Variants in NHS observed in about 807,000 individuals in gnomAD.
NHS encodes actin remodeling regulator NHS.
NHS carries 5 observed loss-of-function variants against 72.5 expected under a neutral mutation model. The ratio of observed to expected loss-of-function variants is 0.07; its 90% CI spans 0.04 to 0.14. The LOEUF (loss-of-function observed/expected upper bound fraction) is 0.14, where lower values mean the gene tolerates loss of function less well. Among genes scored for constraint, NHS ranks in the 10% least tolerant of loss-of-function variants. NHS has a pLI of 1.00. For missense variants in NHS, 1,072 were observed against 1,355.7 expected (o/e 0.79, Z 3.29); for synonymous variants, 464 against 547.7 (o/e 0.85, Z 2.13).
chrX:17,557,219 G>T (rs1317386900), intron 1 of NHS: 1 of 104,831 alleles, frequency 9.5e-6, no homozygotes, highest in Non-Finnish European at 1.9e-5. Context: ...AGATGTGTGA[G>T]AGAGTTCAAA....
intron 1 of NHS, among the ~76,000 whole-genome samples, chrX:17,661,436 C>G (rs749513180): frequency 1.8e-5 from 2 of 109,670 alleles, no homozygotes; most frequent in African/African-American, 6.7e-5. Context: ...CCCCCCACCC[C>G]CTGACAGGCC....
chrX:17,422,028 A>G (rs1210148350), intron 1 of NHS, among the ~76,000 whole-genome samples: 3 of 112,063 alleles, frequency 2.7e-5, no homozygotes, highest in African/African-American at 9.7e-5. Flanking sequence ...GATATAGAAC[A>G]TTTCCAGTGA....
At chrX:17,582,846 C>G (rs1287346024) in intron 1 of NHS, among the ~76,000 whole-genome samples, 2 of 112,497 alleles carry the variant, frequency 1.8e-5, no homozygotes, top group Non-Finnish European at 3.8e-5. Flanking sequence ...GGCAGACATT[C>G]ATACCCATAC....
intron 1 of NHS, among the ~76,000 whole-genome samples, chrX:17,474,461 G>A (rs2146905143): frequency 8.9e-6 from 1 of 111,733 alleles, no homozygotes; most frequent in Non-Finnish European, 1.9e-5. Flanking sequence ...ACTCTGAGAT[G>A]GAGACCCGTG....
chrX:17,438,057 A>G (rs752708573), intron 1 of NHS, among the ~76,000 whole-genome samples: 95 of 112,458 alleles, frequency 8.4e-4, no homozygotes, highest in Non-Finnish European at 1.7e-3. Flanking sequence ...TGACACGTGG[A>G]GAATTGCCAT....
At chrX:17,470,761 A>G (rs1420233256) in intron 1 of NHS, among the ~76,000 whole-genome samples, 1 of 111,449 alleles carries the variant, frequency 9.0e-6, no homozygotes, top group East Asian at 2.8e-4. Flanking sequence ...GCTCAAAATC[A>G]TCTAATAAAG....
intron 1 of NHS, among the ~76,000 whole-genome samples, chrX:17,460,280 TTTTA>T (rs753901237): frequency 1.8e-4 from 20 of 111,921 alleles, no homozygotes; most frequent in Middle Eastern, 4.7e-3. Context: ...ACCTATTTTA[TTTTA>T]TTTATTTATT....
At chrX:17,652,790 T>C (rs930975669) in intron 1 of NHS, among the ~76,000 whole-genome samples, 1 of 112,340 alleles carries the variant, frequency 8.9e-6, no homozygotes, top group African/African-American at 3.2e-5. Flanking sequence ...ATTTGCTAAT[T>C]ATCCTATTTT....
chrX:17,556,479 A>G (rs1309850623), intron 1 of NHS, among the ~76,000 whole-genome samples: 1 of 113,105 alleles, frequency 8.8e-6, no homozygotes, highest in African/African-American at 3.2e-5. Flanking sequence ...TTAAAGAAAC[A>G]ACCACAGCAA....
intron 1 of NHS, among the ~76,000 whole-genome samples, chrX:17,407,843 A>G (rs2064536688): frequency 9.0e-6 from 1 of 111,444 alleles, no homozygotes; most frequent in Admixed American, 9.5e-5. Context: ...CTCCCAGGGT[A>G]AGTCAGCCAG....
At chrX:17,718,802 AG>A (rs1211135738) in intron 3 of NHS, among the ~76,000 whole-genome samples, 3 of 89,165 alleles carry the variant, frequency 3.4e-5, no homozygotes, top group Non-Finnish European at 6.7e-5. Flanking sequence ...GAAGGAAGGA[AG>A]GGGGAAGGAG....
At chrX:17,561,586 A>G (rs867398491) in intron 1 of NHS, among the ~76,000 whole-genome samples, 8 of 98,684 alleles carry the variant, frequency 8.1e-5, no homozygotes, top group Middle Eastern at 0.011. Context: ...ACACACACAC[A>G]CACACACACA....
intron 2 of NHS, among the ~76,000 whole-genome samples, chrX:17,690,914 A>C (rs928758918): frequency 2.7e-5 from 3 of 111,926 alleles, no homozygotes; most frequent in African/African-American, 9.8e-5. Flanking sequence ...AGCAACTATA[A>C]ATAGATAATT....
intron 1 of NHS, among the ~76,000 whole-genome samples, chrX:17,645,621 A>G (rs1216600326): frequency 9.0e-6 from 1 of 111,426 alleles, no homozygotes; most frequent in Non-Finnish European, 1.9e-5. Context: ...TCAGAGTTCT[A>G]TCAGCATCAT....
At chrX:17,592,459 A>G (rs193105802) in intron 1 of NHS, among the ~76,000 whole-genome samples, 19 of 112,018 alleles carry the variant, frequency 1.7e-4, no homozygotes, top group Non-Finnish European at 3.0e-4. Context: ...GTGCTCCCCA[A>G]TTGGCAAGCC....
At chrX:17,603,051 G>C (rs991170795) in intron 1 of NHS, among the ~76,000 whole-genome samples, 1 of 109,850 alleles carries the variant, frequency 9.1e-6, no homozygotes, top group Non-Finnish European at 1.9e-5. Flanking sequence ...TTGGTATGTT[G>C]ACCAGGCTAG....
At chrX:17,706,040 TA>T (rs775713531) in intron 3 of NHS, among the ~76,000 whole-genome samples, 4 of 110,797 alleles carry the variant, frequency 3.6e-5, no homozygotes, top group Non-Finnish European at 7.6e-5. Flanking sequence ...AAAATTTTTT[TA>T]ATTAGCCAGG....
chrX:17,575,582 A>G (rs775498581), intron 1 of NHS, among the ~76,000 whole-genome samples: 155 of 111,474 alleles, frequency 1.4e-3, no homozygotes, highest in African/African-American at 4.9e-3. Flanking sequence ...TCCTTCATCA[A>G]TCTTCTCACA....
intron 1 of NHS, among the ~76,000 whole-genome samples, chrX:17,656,182 G>C (rs770849105): frequency 8.8e-6 from 1 of 113,115 alleles, no homozygotes; most frequent in East Asian, 2.8e-4. Flanking sequence ...GAGCCGGCGC[G>C]GGGCCCGGCG....
Sources: allele counts gnomAD v4.1 joint callset (sites outside exome capture counted in the v4.1 genomes callset), GRCh38; gene constraint gnomAD v4.1.1; transcripts MANE v1.5; gene names NCBI Gene and HGNC (gene_info 2026-07-23, HGNC 2026-07-21).